The following SLC31A1 variants were observed in gnomAD, a reference collection of about 807,000 sequenced individuals.
SLC31A1 encodes solute carrier family 31 member 1.
SLC31A1 carries 5 observed loss-of-function variants against 17.2 expected under a neutral mutation model. The ratio of observed to expected loss-of-function variants is 0.29; its 90% CI spans 0.15 to 0.61. The LOEUF (loss-of-function observed/expected upper bound fraction) is 0.61. SLC31A1 is among the 20% of genes least tolerant of loss of function. SLC31A1 has a pLI of 0.86. For synonymous variants in SLC31A1, 76 were observed against 78.8 expected (o/e 0.96, Z 0.19); for missense variants, 161 against 241.4 (o/e 0.67, Z 2.21).
chr9:113,247,582 CAT>C (rs1310132174), intron 1 of SLC31A1, among the ~76,000 whole-genome samples: 1 of 152,116 alleles, frequency 6.6e-6, no homozygotes, highest in African/African-American at 2.4e-5. Flanking sequence ...TTTTGTTAAA[CAT>C]ATTAGATTTT....
intron 1 of SLC31A1, among the ~76,000 whole-genome samples, chr9:113,231,686 T>C (rs1348349170): frequency 6.6e-6 from 1 of 152,266 alleles, no homozygotes; most frequent in Non-Finnish European, 1.5e-5. Context: ...TATCTTTTTA[T>C]TCACATGAAT....
intron 4 of SLC31A1, 72 bp from the exon 5 acceptor site, chr9:113,260,200 C>T: frequency 7.5e-7 from 1 of 1,324,552 alleles, no homozygotes; most frequent in Non-Finnish European, 1.1e-6. Context: ...ATGGCAAGAA[C>T]TCTTCCCTCT....
At chr9:113,232,701 AG>A (rs752158908) in intron 1 of SLC31A1, among the ~76,000 whole-genome samples, 22 of 149,366 alleles carry the variant, frequency 1.5e-4, no homozygotes, top group Non-Finnish European at 2.2e-4. Flanking sequence ...AAAACTAGTC[AG>A]GTGTGGTGGC....
chr9:113,249,709 G>A (rs1364477713), intron 1 of SLC31A1, among the ~76,000 whole-genome samples: 1 of 151,938 alleles, frequency 6.6e-6, no homozygotes, highest in African/African-American at 2.4e-5. Context: ...GCTCAACTTG[G>A]TAAATAAAAT....
Position 113,258,669 on chromosome 9 carries a change from C to T in SLC31A1, c.203-25C>T. On this transcript the variant is annotated intron_variant, in intron 3 of 4. Transcript: ENST00000374212. This position sits in a 1 kb window ranked among gnomAD's most constrained non-coding sequence, Gnocchi z 4.8. ...TGATTTTGCACATGTTTGACAGTAC[C>T]TCCATATTTTCCTTCCATACTTAGA... 6.2e-7 allele frequency: 1 copy of T among 1,613,336 alleles called. No homozygotes were observed. Among genetic ancestry groups the T allele is most frequent in the Non-Finnish European group, 8.5e-7 (1 of 1,179,678 alleles).
rs150775067 is a variant in SLC31A1, at chr9:113,231,958, G to A, written c.-36+10280G>A. 3.3e-5 allele frequency among the ~76,000 whole-genome samples: 5 copies of A among 152,326 alleles called. No individual in the cohort carries two copies. The East Asian group carries it at 9.6e-4, about 29-fold the overall frequency. On this transcript the variant is annotated intron_variant, in intron 1 of 4. Transcript: ENST00000374212. Reference sequence around the variant, plus strand: ...AAGTTACAGATAACAGAATTATATGGTCTAACATGCAGCTCACTTAGGCAG... The same window carrying A: ...AAGTTACAGATAACAGAATTATATGATCTAACATGCAGCTCACTTAGGCAG...
intron 1 of SLC31A1, chr9:113,223,203 T>G (rs773459359): frequency 4.5e-6 from 2 of 445,572 alleles, no homozygotes; most frequent in Non-Finnish European, 9.0e-6. Flanking sequence ...GATTGGAACA[T>G]CACGAACATG....
chr9:113,223,368 T>C (rs1348792618), intron 1 of SLC31A1: 3 of 362,890 alleles, frequency 8.3e-6, no homozygotes, highest in Non-Finnish European at 1.6e-5. Flanking sequence ...CCTAAATTCG[T>C]GTATCTTCAG....
chr9:113,225,638 T>C (rs552233824), intron 1 of SLC31A1, among the ~76,000 whole-genome samples: 31 of 152,336 alleles, frequency 2.0e-4, no homozygotes, highest in African/African-American at 7.2e-4. Flanking sequence ...GTTTCCATAC[T>C]AAATGTGAAT....
chr9:113,240,284 G>A (rs1456777992), intron 1 of SLC31A1, among the ~76,000 whole-genome samples: 4 of 152,182 alleles, frequency 2.6e-5, no homozygotes, highest in Admixed American at 6.5e-5. Context: ...TTGTCTTTTT[G>A]CATCAGACTC....
chr9:113,230,846 C>T (rs542500733), intron 1 of SLC31A1, among the ~76,000 whole-genome samples: 1 of 152,166 alleles, frequency 6.6e-6, no homozygotes. Flanking sequence ...TTGACTATAA[C>T]CTACTAACTT....
intron 1 of SLC31A1, among the ~76,000 whole-genome samples, chr9:113,247,970 C>T (rs1831601753): frequency 6.6e-6 from 1 of 152,096 alleles, no homozygotes; most frequent in Admixed American, 6.5e-5. Flanking sequence ...ACATAAACTC[C>T]TGCTTAATTT....
intron 4 of SLC31A1, among the ~76,000 whole-genome samples, chr9:113,259,207 T>C (rs1831760366): frequency 6.6e-6 from 1 of 152,234 alleles, no homozygotes. Context: ...CAGTTGATTC[T>C]ATAAAGTTAC....
At chr9:113,241,392 A>T (rs1453102686) in intron 1 of SLC31A1, among the ~76,000 whole-genome samples, 1 of 152,206 alleles carries the variant, frequency 6.6e-6, no homozygotes, top group Non-Finnish European at 1.5e-5. Context: ...CAAGATTCAG[A>T]TTCCAATGGG....
chr9:113,238,191 T>G (rs1831484127), intron 1 of SLC31A1, among the ~76,000 whole-genome samples: 1 of 152,120 alleles, frequency 6.6e-6, no homozygotes, highest in South Asian at 2.1e-4. Context: ...GTAGGACAAA[T>G]TGAGAAATGT....
At chr9:113,246,565 A>G (rs533873594) in intron 1 of SLC31A1, among the ~76,000 whole-genome samples, 112 of 151,794 alleles carry the variant, frequency 7.4e-4, no homozygotes, top group Middle Eastern at 3.4e-3. Flanking sequence ...GCTAGCCAGG[A>G]TGGTCTTGAT....
chr9:113,232,793 G>A (rs957540349), intron 1 of SLC31A1, among the ~76,000 whole-genome samples: 2 of 151,856 alleles, frequency 1.3e-5, no homozygotes, highest in Admixed American at 6.6e-5. Flanking sequence ...GCAGTGAGCC[G>A]AGATCGCACC....
chr9:113,225,178 T>A (rs529394287), intron 1 of SLC31A1, among the ~76,000 whole-genome samples: 1 of 152,350 alleles, frequency 6.6e-6, no homozygotes, highest in Non-Finnish European at 1.5e-5. Flanking sequence ...GTTGTTCCCA[T>A]CACATTGGAG....
At chr9:113,259,254 A>T (rs1024062397) in intron 4 of SLC31A1, among the ~76,000 whole-genome samples, 1 of 152,226 alleles carries the variant, frequency 6.6e-6, no homozygotes, top group Non-Finnish European at 1.5e-5. Flanking sequence ...TTTACAATGT[A>T]AGACTGTATT....
Sources: allele counts gnomAD v4.1 joint callset (sites outside exome capture counted in the v4.1 genomes callset), GRCh38; gene constraint gnomAD v4.1.1; non-coding constraint Gnocchi (gnomAD v3.1); transcripts MANE v1.5; gene names NCBI Gene and HGNC (gene_info 2026-07-23, HGNC 2026-07-21).